XRCC4: variants seen among roughly 807,000 people sequenced by gnomAD.
XRCC4 encodes the protein DNA repair protein XRCC4.
Under a neutral mutation model 39.1 loss-of-function variants are expected in XRCC4, and 28 were observed. The observed-to-expected ratio is 0.72, with a 90% CI of 0.53 to 0.98. The LOEUF is 0.98. Among genes scored for constraint, XRCC4 ranks in the 50% least tolerant of loss-of-function variants. The pLI is 0.00. For missense variants in XRCC4, 350 were observed against 376.4 expected (o/e 0.93, Z 0.58); for synonymous variants, 123 against 126.4 (o/e 0.97, Z 0.18).
intron 1 of XRCC4, among the ~76,000 whole-genome samples, chr5:83,086,593 G>A (rs1202970448): frequency 6.6e-6 from 1 of 152,128 alleles, no homozygotes; most frequent in Non-Finnish European, 1.5e-5. Flanking sequence ...CTGTCTCTGG[G>A]CTGGCAGAGG....
chr5:83,292,379 C>T (rs190645225), intron 7 of XRCC4, among the ~76,000 whole-genome samples: 33 of 151,948 alleles, frequency 2.2e-4, no homozygotes, highest in Admixed American at 1.7e-3. Flanking sequence ...GCTAAGTATC[C>T]GTCAGTATAA....
the XRCC4 span, among the ~76,000 whole-genome samples, chr5:83,367,856 G>C: frequency 5.3e-4 from 80 of 151,700 alleles, 1 homozygote; most frequent in Non-Finnish European, 9.3e-4. Context: ...GCCTCCCAAA[G>C]TGCTGGGATT....
chr5:83,306,270 C>G (rs1755484001), intron 7 of XRCC4, among the ~76,000 whole-genome samples: 1 of 151,962 alleles, frequency 6.6e-6, no homozygotes, highest in African/African-American at 2.4e-5. Flanking sequence ...GATCACAGAG[C>G]AGAAAAATGA....
intron 1 of XRCC4, among the ~76,000 whole-genome samples, chr5:83,080,920 A>G (rs1286186674): frequency 1.3e-5 from 2 of 152,230 alleles, no homozygotes; most frequent in African/African-American, 2.4e-5. Flanking sequence ...GAACAAATCT[A>G]TCTGTAAAAT....
intron 6 of XRCC4, among the ~76,000 whole-genome samples, chr5:83,236,714 G>A (rs1332746707): frequency 6.6e-6 from 1 of 151,446 alleles, no homozygotes; most frequent in Non-Finnish European, 1.5e-5. Context: ...TGGACAAATG[G>A]GATCACATCA....
chr5:83,269,793 G>A (rs10474096), intron 7 of XRCC4, among the ~76,000 whole-genome samples: 9,179 of 151,966 alleles, frequency 0.06, 379 homozygotes, highest in South Asian at 0.15. Context: ...TACTACATCT[G>A]TACCAGAGGT....
intron 3 of XRCC4, among the ~76,000 whole-genome samples, chr5:83,140,121 A>G (rs752114260): frequency 2.6e-5 from 4 of 152,176 alleles, no homozygotes; most frequent in Non-Finnish European, 5.9e-5. Context: ...AACTAATAGG[A>G]TATATGTATA....
chr5:83,164,058 A>G (rs902601639), intron 3 of XRCC4, among the ~76,000 whole-genome samples: 2 of 152,182 alleles, frequency 1.3e-5, no homozygotes, highest in Non-Finnish European at 2.9e-5. Flanking sequence ...ATTTTTAAGT[A>G]AAATAAAACA....
intron 7 of XRCC4, among the ~76,000 whole-genome samples, chr5:83,291,683 T>C (rs910794430): frequency 1.3e-5 from 2 of 151,840 alleles, no homozygotes; most frequent in African/African-American, 2.4e-5. Flanking sequence ...CAAATTCATA[T>C]GTACCTGACT....
intron 6 of XRCC4, among the ~76,000 whole-genome samples, chr5:83,257,033 A>G (rs995744615): frequency 1.3e-5 from 2 of 152,148 alleles, no homozygotes; most frequent in South Asian, 4.1e-4. Context: ...AAGAAAAAAA[A>G]ATCAAGAGAG....
the XRCC4 span, among the ~76,000 whole-genome samples, chr5:83,373,326 C>G: frequency 2.0e-5 from 3 of 152,152 alleles, no homozygotes; most frequent in East Asian, 3.9e-4. Flanking sequence ...GTTTCAAATG[C>G]CTTTGTTTTT....
At chr5:83,313,908 A>ATAAG (rs927192293) in intron 7 of XRCC4, among the ~76,000 whole-genome samples, 2 of 146,748 alleles carry the variant, frequency 1.4e-5, no homozygotes, top group Non-Finnish European at 3.0e-5. Flanking sequence ...TCATTAAAAT[A>ATAAG]TAAGTTTTAT....
intron 6 of XRCC4, among the ~76,000 whole-genome samples, chr5:83,207,566 A>G (rs1751467787): frequency 6.6e-6 from 1 of 152,112 alleles, no homozygotes; most frequent in Admixed American, 6.5e-5. Flanking sequence ...TGCTGCAAAA[A>G]GAAATGTTTA....
At chr5:83,307,679 C>T (rs192241837) in intron 7 of XRCC4, among the ~76,000 whole-genome samples, 10 of 152,024 alleles carry the variant, frequency 6.6e-5, no homozygotes, top group Admixed American at 4.6e-4. Flanking sequence ...TTCAGAAGCA[C>T]AGAGATAGAA....
intron 3 of XRCC4, among the ~76,000 whole-genome samples, chr5:83,172,245 G>A (rs1435541465): frequency 6.6e-6 from 1 of 152,086 alleles, no homozygotes; most frequent in African/African-American, 2.4e-5. Flanking sequence ...AGTTGGCTCT[G>A]GATCCTTCTT....
chr5:83,174,397 C>T (rs984819321), intron 3 of XRCC4, among the ~76,000 whole-genome samples: 1 of 152,076 alleles, frequency 6.6e-6, no homozygotes, highest in African/African-American at 2.4e-5. Flanking sequence ...TATCACTTCT[C>T]ATATAACTAT....
At chr5:83,165,326 T>C (rs968239592) in intron 3 of XRCC4, among the ~76,000 whole-genome samples, 5 of 151,980 alleles carry the variant, frequency 3.3e-5, no homozygotes. Flanking sequence ...GACATTGATT[T>C]ATATATTATA....
chr5:83,366,049 T>C, the XRCC4 span, among the ~76,000 whole-genome samples: 67 of 152,310 alleles, frequency 4.4e-4, no homozygotes, highest in South Asian at 2.5e-3. Context: ...CATCAGGCAA[T>C]AGAGAGAAGT....
chr5:83,122,738 G>A (rs1209065456), intron 3 of XRCC4, among the ~76,000 whole-genome samples: 1 of 151,922 alleles, frequency 6.6e-6, no homozygotes, highest in Non-Finnish European at 1.5e-5. Flanking sequence ...GGTATGTTGT[G>A]TTTTCATTTT....
Sources: allele counts gnomAD v4.1 joint callset (sites outside exome capture counted in the v4.1 genomes callset), GRCh38; gene constraint gnomAD v4.1.1; transcripts MANE v1.5; gene names NCBI Gene and HGNC (gene_info 2026-07-23, HGNC 2026-07-21).